Variants in CD1B observed in about 807,000 individuals in gnomAD.
CD1B encodes T-cell surface glycoprotein CD1b.
Under a neutral mutation model 39.8 loss-of-function variants are expected in CD1B, and 43 were observed. The ratio of observed to expected loss-of-function variants is 1.08; its 90% CI spans 0.85 to 1.39. The LOEUF (loss-of-function observed/expected upper bound fraction) is 1.39. CD1B is among the 40% of genes most tolerant of loss of function. CD1B has a pLI of 0.00. For missense variants in CD1B, 495 were observed against 403.8 expected, an observed-to-expected ratio of 1.23 and a Z score of -1.94; for synonymous variants, 192 against 152.5, an observed-to-expected ratio of 1.26 and a Z score of -1.91.
chr1:158,329,873 T>A lies in CD1B; in HGVS notation c.586A>T (p.Lys196Ter). 1 of 1,613,932 alleles carries A rather than the reference T, an allele frequency of 6.2e-7. No individual in the cohort carries two copies. The highest frequency in any genetic ancestry group is 8.5e-7 in the Non-Finnish European group (1 of 1,179,900). The change falls in exon 3 of 6, where the codon AAA becomes TAA. Residue 196 changes from lysine (K) to a stop codon, truncating the protein, a stop_gained. Coordinates refer to ENST00000368168, the MANE Select transcript of CD1B (RefSeq NM_001764.3). LOFTEE classifies it high-confidence loss of function. Reference protein sequence around the residue: ...RYLLGVLNAGKADLQRQVKPE... With the variant: ...RYLLGVLNAG Reference sequence around the variant, plus strand: ...TAACCTTGTCTTTGCAGATCTGCTTTTCCTGCATTGAGGACGCCCAAGAGA... The same window carrying A: ...TAACCTTGTCTTTGCAGATCTGCTTATCCTGCATTGAGGACGCCCAAGAGA...
the CD1B span, among the ~76,000 whole-genome samples, chr1:158,295,813 C>T: frequency 6.6e-6 from 1 of 151,056 alleles, no homozygotes; most frequent in African/African-American, 2.5e-5. Flanking sequence ...GCTGACCCCA[C>T]CAAACCACCA....
At chr1:158,325,640 TACACACACACAC>T (rs57890038), downstream of CD1B, among the ~76,000 whole-genome samples, 3 of 148,988 alleles carry the variant, frequency 2.0e-5, no homozygotes, top group Non-Finnish European at 4.5e-5. Context: ...ATACATTTTA[TACACACACACAC>T]ACACACACAC....
the CD1B span, among the ~76,000 whole-genome samples, chr1:158,305,297 C>A: frequency 6.6e-6 from 1 of 152,034 alleles, no homozygotes; most frequent in Non-Finnish European, 1.5e-5. Context: ...AATAACAAGC[C>A]TCAGTAGCCG....
chr1:158,311,563 G>A, the CD1B span, among the ~76,000 whole-genome samples: 3 of 152,110 alleles, frequency 2.0e-5, no homozygotes, highest in African/African-American at 4.8e-5. Context: ...AGGTCTTATC[G>A]AAAATCTTTT....
At chr1:158,307,929 C>T in the CD1B span, among the ~76,000 whole-genome samples, 1 of 152,166 alleles carries the variant, frequency 6.6e-6, no homozygotes, top group South Asian at 2.1e-4. Context: ...TGGCACAAGA[C>T]AGGGATGCCC....
chr1:158,297,768 A>C, the CD1B span, among the ~76,000 whole-genome samples: 1 of 152,014 alleles, frequency 6.6e-6, no homozygotes, highest in Non-Finnish European at 1.5e-5. Context: ...CCCCATTTCT[A>C]CAAAAAAACC....
chr1:158,318,419 G>C, the CD1B span, among the ~76,000 whole-genome samples: 2 of 152,124 alleles, frequency 1.3e-5, no homozygotes, highest in African/African-American at 4.8e-5. Context: ...ATTCTGTAAT[G>C]GTCTTCTTTG....
the CD1B span, among the ~76,000 whole-genome samples, chr1:158,308,383 TATC>T: frequency 1.3e-5 from 2 of 152,164 alleles, no homozygotes; most frequent in Non-Finnish European, 2.9e-5. Flanking sequence ...GAAGAATCAA[TATC>T]ATGAAAATGG....
At chr1:158,286,539 C>T in the CD1B span, among the ~76,000 whole-genome samples, 73 of 152,298 alleles carry the variant, frequency 4.8e-4, 1 homozygote, top group Non-Finnish European at 7.9e-4. Flanking sequence ...TCCATGGCAG[C>T]TCTGGGGCAG....
chr1:158,305,025 A>T, the CD1B span, among the ~76,000 whole-genome samples: 1 of 152,210 alleles, frequency 6.6e-6, no homozygotes, highest in East Asian at 1.9e-4. Context: ...TAAAAATCAG[A>T]GTGCCTCTCC....
the CD1B span, among the ~76,000 whole-genome samples, chr1:158,309,462 C>T: frequency 6.6e-6 from 1 of 152,108 alleles, no homozygotes; most frequent in Admixed American, 6.5e-5. Flanking sequence ...ACCATTTGAC[C>T]CAGCCATCCC....
chr1:158,319,237 TG>T, the CD1B span, among the ~76,000 whole-genome samples: 2 of 151,716 alleles, frequency 1.3e-5, no homozygotes, highest in African/African-American at 4.9e-5. Flanking sequence ...GAAGTTCTCC[TG>T]GATAATATCC....
chr1:158,330,663 C>G (rs760432843), intron 2 of CD1B, 133 bp downstream of exon 2: 9 of 890,406 alleles, frequency 1.0e-5, no homozygotes, highest in Non-Finnish European at 1.7e-5. Flanking sequence ...TGAGAGACTA[C>G]TCAAGAAAAG....
At chr1:158,310,074 C>A in the CD1B span, among the ~76,000 whole-genome samples, 1 of 151,846 alleles carries the variant, frequency 6.6e-6, no homozygotes, top group African/African-American at 2.4e-5. Context: ...AACTATAGTA[C>A]AAGGCTACAG....
the CD1B span, chr1:158,292,475 C>T: frequency 2.0e-6 from 3 of 1,486,068 alleles, no homozygotes; most frequent in African/African-American, 1.4e-5. Context: ...AGGGGGGTTG[C>T]TGGGTAATAG....
In CD1B at chr1:158,331,005, G is replaced by T. The variant is rs201304430; in HGVS notation, c.119C>A (p.Thr40Asn). The T allele has an allele frequency of 1.2e-6, 2 of 1,614,116 alleles. No homozygotes were observed. Among genetic ancestry groups the T allele is most frequent in the Admixed American group, 3.3e-5 (2 of 60,004 alleles). Residue 40 changes from threonine (T) to asparagine (N), a missense_variant, in exon 2 of 6, where the codon ACC becomes AAC. Physicochemically the swap from Thr to Asn is moderately conservative, Grantham distance 65. Transcript: ENST00000368168. ...VIQTSSFTNS[T>N]WAQTQGSGWL... ...GCCTGAGCCTTGAGTTTGTGCCCAG[G>T]TACTATTGGTAAAGGACGAGGTCTG...
At chr1:158,303,612 T>A in the CD1B span, among the ~76,000 whole-genome samples, 1 of 152,144 alleles carries the variant, frequency 6.6e-6, no homozygotes, top group Non-Finnish European at 1.5e-5. Flanking sequence ...ATCAGTAGCT[T>A]CTCTATATAT....
At chr1:158,316,203 G>T in the CD1B span, among the ~76,000 whole-genome samples, 1 of 151,994 alleles carries the variant, frequency 6.6e-6, no homozygotes, top group African/African-American at 2.4e-5. Flanking sequence ...GAAAGGCATT[G>T]GTAGCTTGAT....
rs150622338 is a variant in CD1B, at chr1:158,329,928, T to A, written c.531A>T (p.Arg177Ser). 9.9e-6 allele frequency: 16 copies of A among 1,613,976 alleles called. No individual in the cohort carries two copies. Among genetic ancestry groups the A allele is most frequent in the Non-Finnish European group, 1.4e-5 (16 of 1,180,006 alleles). Residue 177 changes from arginine to serine, a missense_variant, in exon 3 of 6, where the codon AGA becomes AGT. Coordinates refer to ENST00000368168, the MANE Select transcript of CD1B (RefSeq NM_001764.3). ...IQYQGIMETVRILLYETCPRY... is the reference protein window; with the variant it reads ...IQYQGIMETVSILLYETCPRY... ...GGGGGCAGGTTTCATAGAGGAGAAT[T>A]CTCACAGTTTCCATGATACCTTGAT...
Sources: gnomAD v4.1 joint callset for allele counts (sites outside exome capture counted in the v4.1 genomes callset) on GRCh38, gnomAD v4.1.1 for gene constraint, MANE v1.5 for transcripts, NCBI Gene and HGNC (gene_info 2026-07-23, HGNC 2026-07-21) for gene names.